TXLNB: variants seen among roughly 807,000 people sequenced by gnomAD.
The protein encoded by TXLNB is beta-taxilin.
Under a neutral mutation model 57.4 loss-of-function variants are expected in TXLNB, and 37 were observed. The observed-to-expected ratio is 0.64, with a 90% CI of 0.50 to 0.85. The LOEUF (loss-of-function observed/expected upper bound fraction) is 0.85. TXLNB is among the 40% of genes least tolerant of loss of function. The pLI, the probability that TXLNB is intolerant of heterozygous loss-of-function variation, is 0.00. For synonymous variants in TXLNB, 302 were observed against 309.6 expected, an observed-to-expected ratio of 0.98 and a Z score of 0.26; for missense variants, 848 against 825.6, an observed-to-expected ratio of 1.03 and a Z score of -0.33.
chr6:139,287,175 A>C (rs1158150845), intron 2 of TXLNB: 1 of 152,678 alleles, frequency 6.5e-6, no homozygotes, highest in Non-Finnish European at 1.5e-5. Flanking sequence ...GACCAGCTGC[A>C]CATGACTTTA....
intron 6 of TXLNB, among the ~76,000 whole-genome samples, chr6:139,259,977 C>A (rs778390747): frequency 6.6e-6 from 1 of 152,126 alleles, no homozygotes; most frequent in Non-Finnish European, 1.5e-5. Flanking sequence ...AATCCCAGCA[C>A]TTTGGGAGGC....
At chr6:139,256,939 G>C (rs1423869187) in intron 6 of TXLNB, among the ~76,000 whole-genome samples, 1 of 152,184 alleles carries the variant, frequency 6.6e-6, no homozygotes, top group African/African-American at 2.4e-5. Flanking sequence ...TGACCTATTG[G>C]TCTAAATCCT....
chr6:139,192,634 T>C, the TXLNB span, among the ~76,000 whole-genome samples: 1 of 152,154 alleles, frequency 6.6e-6, no homozygotes, highest in Non-Finnish European at 1.5e-5. Flanking sequence ...TTGTTTTCAC[T>C]TGATCACTCC....
intron 2 of TXLNB, among the ~76,000 whole-genome samples, chr6:139,281,367 T>C (rs1410420840): frequency 6.6e-6 from 1 of 152,124 alleles, no homozygotes; most frequent in Non-Finnish European, 1.5e-5. Context: ...ATTTGCTTGT[T>C]TCGTTTGGTT....
intron 6 of TXLNB, among the ~76,000 whole-genome samples, chr6:139,257,956 C>CTGGGGCAGCTG (rs1486759322): frequency 1.3e-5 from 2 of 152,088 alleles, no homozygotes; most frequent in Non-Finnish European, 2.9e-5. Context: ...TATGAGAGGA[C>CTGGGGCAGCTG]TGGGGCAGCT....
intron 5 of TXLNB, among the ~76,000 whole-genome samples, chr6:139,261,556 A>G (rs1425198429): frequency 2.6e-5 from 4 of 152,292 alleles, no homozygotes; most frequent in Non-Finnish European, 5.9e-5. Flanking sequence ...GGTATCTGGA[A>G]TCTTAAAAAT....
chr6:139,207,872 T>C, the TXLNB span, among the ~76,000 whole-genome samples: 1 of 152,104 alleles, frequency 6.6e-6, no homozygotes, highest in African/African-American at 2.4e-5. Flanking sequence ...GGCCAGGAAG[T>C]TGAGACCAGC....
chr6:139,251,441 C>T (rs1776202412), intron 7 of TXLNB: 1 of 152,234 alleles, frequency 6.6e-6, no homozygotes, highest in Non-Finnish European at 1.5e-5. Context: ...CTCTAACACT[C>T]TCCTACTTAC....
At position 139,270,512 on chromosome 6, in the gene TXLNB, G is replaced by C. The variant is rs368012665; in HGVS notation, c.631C>G (p.Arg211Gly). The C allele has an allele frequency of 1.2e-5, 19 of 1,613,988 alleles. No homozygotes were observed. Among genetic ancestry groups the C allele is most frequent in the African/African-American group, 8.0e-5 (6 of 74,904 alleles). ...CGGCACAGACTCTCCAATTTGCTTC[G>C]AGCGAGGATAGCTCTGCTGTGTTCA... ...QGEHSRAILA[R>G]SKLESLCREL... is the part of the protein sequence containing the mutation. The change falls in exon 4 of 10, where the codon CGA becomes GGA. Residue 211 changes from arginine (R) to glycine (G), a missense_variant. Physicochemically the swap from Arg to Gly is moderately radical, Grantham distance 125. Transcript: ENST00000358430.
chr6:139,282,506 G>T (rs1777079218), intron 2 of TXLNB, among the ~76,000 whole-genome samples: 1 of 145,378 alleles, frequency 6.9e-6, no homozygotes, highest in African/African-American at 2.5e-5. Context: ...GAACCTGGGA[G>T]GTGGAAGTTG....
chr6:139,274,207 T>G (rs897669005), intron 3 of TXLNB, among the ~76,000 whole-genome samples: 2 of 152,250 alleles, frequency 1.3e-5, no homozygotes, highest in Non-Finnish European at 2.9e-5. Flanking sequence ...CTTTATTTAT[T>G]AATGAATACA....
the TXLNB span, among the ~76,000 whole-genome samples, chr6:139,299,975 GT>G: frequency 6.6e-6 from 1 of 152,086 alleles, no homozygotes; most frequent in Non-Finnish European, 1.5e-5. Context: ...CCTTTTTGAG[GT>G]TTTCTAACTA....
At position 139,243,004 on chromosome 6, in the gene TXLNB, T is replaced by C. The variant is rs1363860623; in HGVS notation, c.1577A>G (p.Glu526Gly). 1.2e-6 allele frequency: 2 copies of C among 1,614,124 alleles called. No individual in the cohort carries two copies. Among genetic ancestry groups the C allele is most frequent in the Admixed American group, 1.7e-5 (1 of 60,018 alleles). Reference sequence around the variant, plus strand: ...AGCACTCTCCTGAGAACTGCCTATTTCGGGTTGGGTTTCTTTGGACTGGTG... The same window carrying C: ...AGCACTCTCCTGAGAACTGCCTATTCCGGGTTGGGTTTCTTTGGACTGGTG... ...TPHQSKETQP[E>G]IGSSQESADA... is the part of the protein sequence containing the mutation. Residue 526 changes from glutamate to glycine, a missense_variant, in exon 10 of 10, where the codon GAA becomes GGA. Glu to Gly is a moderately conservative substitution (Grantham distance 98). Transcript: ENST00000358430.
the TXLNB span, among the ~76,000 whole-genome samples, chr6:139,171,454 T>A: frequency 6.6e-6 from 1 of 152,272 alleles, no homozygotes; most frequent in South Asian, 2.1e-4. Context: ...GATCAGGGTG[T>A]TTAATTATTA....
At chr6:139,268,822 G>A (rs186992417) in intron 4 of TXLNB, among the ~76,000 whole-genome samples, 35 of 152,270 alleles carry the variant, frequency 2.3e-4, no homozygotes, top group Admixed American at 9.8e-4. Flanking sequence ...AGGGTCTCCT[G>A]CTACTTTGAT....
chr6:139,317,180 T>C, the TXLNB span, among the ~76,000 whole-genome samples: 1 of 152,108 alleles, frequency 6.6e-6, no homozygotes, highest in Non-Finnish European at 1.5e-5. Context: ...TTTAGTTAGT[T>C]CAGTCACTGA....
the TXLNB span, among the ~76,000 whole-genome samples, chr6:139,323,879 A>T: frequency 6.6e-6 from 1 of 152,114 alleles, no homozygotes; most frequent in Non-Finnish European, 1.5e-5. Context: ...GGTTTACAAC[A>T]GGGGACAGTC....
the TXLNB span, among the ~76,000 whole-genome samples, chr6:139,316,770 G>T: frequency 6.6e-6 from 1 of 152,210 alleles, no homozygotes; most frequent in African/African-American, 2.4e-5. Context: ...GGAGTCAGGG[G>T]AAATGCATTG....
Position 139,247,911 on chromosome 6 carries a change from T to C in TXLNB, c.1078-2A>G. 1 of 1,580,830 alleles carries C rather than the reference T, an allele frequency of 6.3e-7. No homozygotes were observed. Among genetic ancestry groups the C allele is most frequent in the South Asian group, 1.2e-5 (1 of 86,796 alleles). ...AAACCTTCCTGAGTAGAGAGTGAGCTGTAAACAGAGGAAAGAGTGGATCTT... is the reference window on the plus strand; with the variant it reads ...AAACCTTCCTGAGTAGAGAGTGAGCCGTAAACAGAGGAAAGAGTGGATCTT... On this transcript the variant is annotated splice_acceptor_variant, in intron 7 of 9. Coordinates refer to ENST00000358430, the MANE Select transcript of TXLNB (RefSeq NM_153235.4). LOFTEE classifies it high-confidence loss of function.
Sources: gnomAD v4.1 joint callset for allele counts (sites outside exome capture counted in the v4.1 genomes callset) on GRCh38, gnomAD v4.1.1 for gene constraint, MANE v1.5 for transcripts, NCBI Gene and HGNC (gene_info 2026-07-23, HGNC 2026-07-21) for gene names.